TTC7B: variants seen among roughly 807,000 people sequenced by gnomAD.
The protein encoded by TTC7B is tetratricopeptide repeat protein 7B.
In TTC7B, 28 loss-of-function variants were observed where a neutral mutation model predicts 106.8. The ratio of observed to expected loss-of-function variants is 0.26; its 90% confidence interval spans 0.19 to 0.36. The LOEUF is 0.36. Among genes scored for constraint, TTC7B ranks in the 10% least tolerant of loss-of-function variants. The pLI, the probability that TTC7B is intolerant of heterozygous loss-of-function variation, is 1.00. For missense variants in TTC7B, 862 were observed against 1,076.4 expected (o/e 0.80, Z 2.79); for synonymous variants, 405 against 430.6 (o/e 0.94, Z 0.74).
chr14:90,650,291 A>C (rs1014928138), intron 13 of TTC7B, among the ~76,000 whole-genome samples: 1 of 152,188 alleles, frequency 6.6e-6, no homozygotes. Flanking sequence ...ATTTCCCTTC[A>C]GTCCTGATTA....
In TTC7B at chr14:90,693,294, G is replaced by A. The variant is rs935932825; in HGVS notation, c.777+2206C>T. ...AGTTATAGAGGTCTACCTAATGAAC[G>A]TCCCTAGATAGGAAAGTGAAAGGAT... On this transcript the variant is annotated intron_variant, in intron 6 of 19. Transcript: ENST00000328459. Among the ~76,000 whole-genome samples, 8 of 152,010 alleles carry A rather than the reference G, an allele frequency of 5.3e-5. 2 individuals carry two copies. The highest frequency in any genetic ancestry group is 1.5e-5 in the Non-Finnish European group (1 of 67,984).
intron 5 of TTC7B, among the ~76,000 whole-genome samples, chr14:90,707,622 T>A (rs924136945): frequency 6.6e-6 from 1 of 152,060 alleles, no homozygotes; most frequent in African/African-American, 2.4e-5. Context: ...AATAATTTTT[T>A]AAAAAAAGCA....
rs1019452170 is a variant in TTC7B at position 90,578,968 on chromosome 14, C to A, written c.2108-660G>T. ...CTTTTAAAACAAGCAGGAAAATGAC[C>A]CTGCTACCGATCCAGGCCTCAACTC... On this transcript the variant is annotated intron_variant, in intron 18 of 19. Coordinates refer to ENST00000328459, the MANE Select transcript of TTC7B (RefSeq NM_001010854.2). The surrounding 1 kb of genome is among the most constrained non-coding windows in gnomAD (Gnocchi z 4.7). 1.3e-5 allele frequency among the ~76,000 whole-genome samples: 2 copies of A among 152,202 alleles called. No homozygotes were observed. The highest frequency in any genetic ancestry group is 4.8e-5 in the African/African-American group (2 of 41,444).
At chr14:90,814,695 G>A (rs760825267) in intron 1 of TTC7B, among the ~76,000 whole-genome samples, 3 of 152,198 alleles carry the variant, frequency 2.0e-5, no homozygotes, top group Non-Finnish European at 2.9e-5. Flanking sequence ...GTGCAACTCC[G>A]AGAGGAAAAG....
chr14:90,654,949 C>A, intron 12 of TTC7B, 44 bp downstream of exon 12: 1 of 1,437,688 alleles, frequency 7.0e-7, no homozygotes, highest in South Asian at 1.1e-5. Context: ...CTTAGGTAGT[C>A]CAGCCCTGCA....
At chr14:90,797,424 C>T (rs984483307) in intron 1 of TTC7B, among the ~76,000 whole-genome samples, 10 of 150,508 alleles carry the variant, frequency 6.6e-5, no homozygotes, top group African/African-American at 2.2e-4. Flanking sequence ...CTCCACTGTA[C>T]TCCAGCCTGG....
At chr14:90,761,217 T>C (rs530746644) in intron 3 of TTC7B, among the ~76,000 whole-genome samples, 28 of 152,146 alleles carry the variant, frequency 1.8e-4, no homozygotes, top group African/African-American at 6.5e-4. Flanking sequence ...GCCTGAATTC[T>C]GCTAAGGCAT....
chr14:90,755,684 CA>C (rs769662937), intron 3 of TTC7B, among the ~76,000 whole-genome samples: 17 of 149,170 alleles, frequency 1.1e-4, no homozygotes, highest in Admixed American at 3.3e-4. Context: ...AACAAACAAA[CA>C]AAAAAAAAAA....
At chr14:90,605,624 C>A (rs566127355) in intron 17 of TTC7B, 11 of 1,286,694 alleles carry the variant, frequency 8.5e-6, no homozygotes, top group South Asian at 1.2e-5. Flanking sequence ...CGGGGACCTG[C>A]GTCACTGAAT....
chr14:90,551,497 A>G (rs1051931097), intron 19 of TTC7B, among the ~76,000 whole-genome samples: 14 of 152,126 alleles, frequency 9.2e-5, no homozygotes, highest in Non-Finnish European at 2.1e-4. Flanking sequence ...GCATTCGCTG[A>G]AATGTAGGCA....
intron 6 of TTC7B, among the ~76,000 whole-genome samples, chr14:90,692,709 T>C (rs1482998389): frequency 6.6e-6 from 1 of 152,202 alleles, no homozygotes; most frequent in Non-Finnish European, 1.5e-5. Context: ...ATTGACCAGT[T>C]GGGAAGTTTT....
At chr14:90,574,780 C>A (rs1891189394) in intron 19 of TTC7B, among the ~76,000 whole-genome samples, 1 of 152,186 alleles carries the variant, frequency 6.6e-6, no homozygotes, top group Non-Finnish European at 1.5e-5. Flanking sequence ...GCTTCCTTCT[C>A]CCTAACAGCC....
chr14:90,778,755 G>A (rs768749147), intron 3 of TTC7B, among the ~76,000 whole-genome samples: 10 of 152,192 alleles, frequency 6.6e-5, no homozygotes, highest in Non-Finnish European at 1.0e-4. Flanking sequence ...TCAAAGGGGC[G>A]TGCCCATTAA....
chr14:90,547,461 C>T (rs968198362), intron 19 of TTC7B, among the ~76,000 whole-genome samples: 3 of 152,192 alleles, frequency 2.0e-5, no homozygotes, highest in Admixed American at 6.5e-5. Context: ...TCAGCAGGGC[C>T]GGCCTGCACT....
chr14:90,659,295 G>GC (rs1886090203), intron 9 of TTC7B, among the ~76,000 whole-genome samples: 1 of 149,084 alleles, frequency 6.7e-6, no homozygotes, highest in Admixed American at 6.7e-5. Flanking sequence ...AAGGGGAGGT[G>GC]TTTTTTTTTA....
rs1175861692 is a variant in TTC7B at position 90,658,477 on chromosome 14, G to T, written c.1153-90C>A. 4 of 1,235,202 alleles carry T rather than the reference G, an allele frequency of 3.2e-6. No individual in the cohort carries two copies. The Admixed American group carries it at 5.2e-5, about 16-fold the overall frequency. 76.5% of individuals were successfully genotyped at this position (1,235,202 alleles called of 1,614,324 possible). Reference sequence around the variant, plus strand: ...TGAGTTTGTATCTATGCACACTAAGGTAAGTCCCATAAAATCTGCTTCCCT... The same window carrying T: ...TGAGTTTGTATCTATGCACACTAAGTTAAGTCCCATAAAATCTGCTTCCCT... On this transcript the variant is annotated intron_variant, in intron 9 of 19. Transcript: ENST00000328459.
intron 3 of TTC7B, among the ~76,000 whole-genome samples, chr14:90,778,100 C>T (rs1178180778): frequency 1.3e-5 from 2 of 152,192 alleles, no homozygotes; most frequent in African/African-American, 4.8e-5. Flanking sequence ...TGTCTCTCAC[C>T]TGGCCCACCA....
intron 5 of TTC7B, among the ~76,000 whole-genome samples, chr14:90,709,334 C>T (rs1158882764): frequency 1.3e-5 from 2 of 151,408 alleles, no homozygotes; most frequent in Non-Finnish European, 2.9e-5. Flanking sequence ...GGCACATATA[C>T]ACCATGGAAT....
At chr14:90,685,859 CA>C (rs554455442) in intron 7 of TTC7B, among the ~76,000 whole-genome samples, 1 of 151,098 alleles carries the variant, frequency 6.6e-6, no homozygotes, top group Non-Finnish European at 1.5e-5. Context: ...TAAAAAAAAA[CA>C]AAAAAAACTT....
Sources: allele counts gnomAD v4.1 joint callset (sites outside exome capture counted in the v4.1 genomes callset), GRCh38; gene constraint gnomAD v4.1.1; non-coding constraint Gnocchi (gnomAD v3.1); transcripts MANE v1.5; gene names NCBI Gene and HGNC (gene_info 2026-07-23, HGNC 2026-07-21).